The following PCDHA1 variants were observed in gnomAD, a reference collection of about 807,000 sequenced individuals.
PCDHA1 encodes the protein protocadherin alpha-1.
In PCDHA1, 42 loss-of-function variants were observed where a neutral mutation model predicts 61.3. The observed-to-expected ratio is 0.69, with a 90% CI of 0.54 to 0.89. PCDHA1 has a LOEUF of 0.89. Among genes scored for constraint, PCDHA1 ranks in the 40% least tolerant of loss-of-function variants. The pLI is 0.00. For synonymous variants in PCDHA1, 610 were observed against 553.8 expected (o/e 1.10, Z -1.43); for missense variants, 1,256 against 1,235.3 (o/e 1.02, Z -0.25).
At chr5:140,984,547 C>T (rs1554246370) in intron 3 of PCDHA1, among the ~76,000 whole-genome samples, 2 of 152,118 alleles carry the variant, frequency 1.3e-5, no homozygotes, top group Non-Finnish European at 2.9e-5. Context: ...CTGGATAGAG[C>T]TTACATCTTC....
intron 1 of PCDHA1, chr5:140,927,627 T>G (rs145171269): frequency 6.2e-7 from 1 of 1,614,180 alleles, no homozygotes; most frequent in Non-Finnish European, 8.5e-7. Context: ...TTCCAGAGAC[T>G]GCACCCAATG....
intron 1 of PCDHA1, chr5:140,834,368 A>G: frequency 6.4e-7 from 1 of 1,555,360 alleles, no homozygotes; most frequent in Non-Finnish European, 8.7e-7. Context: ...CTAGAAAAAC[A>G]AGCCAATAAT....
chr5:140,868,877 C>T (rs1554162279), intron 1 of PCDHA1: 4 of 684,224 alleles, frequency 5.8e-6, no homozygotes, highest in South Asian at 2.2e-5. Flanking sequence ...GCACAGTACT[C>T]ACAGTTTTAG....
At chr5:140,872,584 G>A (rs183302964) in intron 1 of PCDHA1, among the ~76,000 whole-genome samples, 8 of 152,212 alleles carry the variant, frequency 5.3e-5, no homozygotes, top group Admixed American at 5.2e-4. Flanking sequence ...CTATCATCGT[G>A]AGACCCCCAT....
At chr5:140,846,406 G>A (rs1191758509) in intron 1 of PCDHA1, among the ~76,000 whole-genome samples, 1 of 111,134 alleles carries the variant, frequency 9.0e-6, no homozygotes, top group Non-Finnish European at 1.7e-5. Flanking sequence ...ACGGAGTCTC[G>A]CTCTATCTCC....
intron 1 of PCDHA1, chr5:140,927,546 A>G (rs1554204713): frequency 6.2e-7 from 1 of 1,614,146 alleles, no homozygotes; most frequent in Non-Finnish European, 8.5e-7. Flanking sequence ...GAGACGCACA[A>G]GTCACCATCA....
chr5:140,786,661 A>C lies in PCDHA1; in HGVS notation c.371A>C (p.Lys124Thr), dbSNP rs138383476. The change falls in exon 1 of 4, where the codon AAA becomes ACA. Residue 124 changes from lysine (K) to threonine (T), a missense_variant. Coordinates refer to ENST00000504120, the MANE Select transcript of PCDHA1 (RefSeq NM_018900.4). ...GTTTTCCATGTGGAGGTGAAGGTGA[A>C]AGACATTAACGATAATCCACCCGTC... ...LQVFHVEVKVKDINDNPPVFR... is the reference protein window; with the variant it reads ...LQVFHVEVKVTDINDNPPVFR... 9 of 1,614,258 alleles carry C rather than the reference A, an allele frequency of 5.6e-6. No homozygotes were observed. In the East Asian group the frequency reaches 2.0e-4, roughly 36 times the overall value.
intron 1 of PCDHA1, chr5:140,870,864 C>A (rs782241816): frequency 5.6e-6 from 9 of 1,613,934 alleles, no homozygotes; most frequent in Non-Finnish European, 7.6e-6. Context: ...TGGGTGCGGG[C>A]CACGTGGTGG....
chr5:140,877,054 C>T (rs1226224209), intron 1 of PCDHA1: 3 of 1,612,658 alleles, frequency 1.9e-6, no homozygotes, highest in African/African-American at 2.7e-5. Flanking sequence ...CCACGAGGAG[C>T]TGGAGCTGCT....
intron 1 of PCDHA1, chr5:140,926,562 C>CT (rs1271947865): frequency 1.6e-5 from 4 of 250,352 alleles, no homozygotes; most frequent in African/African-American, 8.9e-5. Context: ...CAGCCCGCTG[C>CT]TACTGGAGAC....
At chr5:140,800,577 G>T (rs1427654813) in intron 1 of PCDHA1, among the ~76,000 whole-genome samples, 1 of 152,206 alleles carries the variant, frequency 6.6e-6, no homozygotes. Flanking sequence ...GGGTGGTAAA[G>T]AGGTTAATGG....
intron 1 of PCDHA1, among the ~76,000 whole-genome samples, chr5:140,891,848 C>T (rs2063280221): frequency 6.6e-6 from 1 of 152,158 alleles, no homozygotes; most frequent in East Asian, 1.9e-4. Flanking sequence ...ATGGAAGGAG[C>T]CTGTCCCTCT....
At chr5:140,925,434 G>C (rs1165185781) in intron 1 of PCDHA1, among the ~76,000 whole-genome samples, 1 of 152,088 alleles carries the variant, frequency 6.6e-6, no homozygotes, top group African/African-American at 2.4e-5. Flanking sequence ...TAGGGTGTTA[G>C]GCAGAATTTG....
chr5:140,927,417 G>T (rs74597681), intron 1 of PCDHA1: 1 of 1,614,100 alleles, frequency 6.2e-7, no homozygotes, highest in Non-Finnish European at 8.5e-7. Flanking sequence ...ACATGGGATC[G>T]CGGGTTGACG....
chr5:140,850,487 T>C (rs2150486193), intron 1 of PCDHA1: 2 of 1,597,790 alleles, frequency 1.3e-6, no homozygotes, highest in East Asian at 2.2e-5. Flanking sequence ...CCACGGCCAC[T>C]GTGCTGGTGT....
chr5:140,964,701 C>T (rs1228970267), intron 1 of PCDHA1, among the ~76,000 whole-genome samples: 2 of 151,776 alleles, frequency 1.3e-5, no homozygotes, highest in Non-Finnish European at 2.9e-5. Context: ...GAGATTAAGG[C>T]CTCCGAGATC....
chr5:140,823,778 T>A lies in PCDHA1; in HGVS notation c.2394+35094T>A, dbSNP rs2150129086. 3.1e-6 allele frequency: 5 copies of A among 1,613,772 alleles called. No individual in the cohort carries two copies. The Admixed American group carries it at 8.3e-5, about 27-fold the overall frequency. On this transcript the variant is annotated intron_variant, in intron 1 of 3. Coordinates refer to ENST00000504120, the MANE Select transcript of PCDHA1 (RefSeq NM_018900.4). ...GCCACAGCCACAGTGCTGGTGTCGC[T>A]GGTGGAAAGTGGCCAGGCGCCGAAG...
intron 1 of PCDHA1, among the ~76,000 whole-genome samples, chr5:140,941,241 TTCTTTCTTTCTTTC>T (rs1247398838): frequency 5.8e-4 from 81 of 140,456 alleles, no homozygotes; most frequent in African/African-American, 2.0e-3. Flanking sequence ...CTTTCTTTCT[TTCTTTCTTTCTTTC>T]TCTTTCTTTC....
At chr5:140,938,947 A>AT (rs1554212493) in intron 1 of PCDHA1, among the ~76,000 whole-genome samples, 1 of 152,094 alleles carries the variant, frequency 6.6e-6, no homozygotes, top group Non-Finnish European at 1.5e-5. Flanking sequence ...CATTCTTATA[A>AT]TGCTCTAGTC....
Sources: gnomAD v4.1 joint callset for allele counts (sites outside exome capture counted in the v4.1 genomes callset) on GRCh38, gnomAD v4.1.1 for gene constraint, MANE v1.5 for transcripts, NCBI Gene and HGNC (gene_info 2026-07-23, HGNC 2026-07-21) for gene names.